RAP1GAP2: variants seen among roughly 807,000 people sequenced by gnomAD.
RAP1GAP2 encodes the protein RAP1 GTPase activating protein 2.
In RAP1GAP2, 27 loss-of-function variants were observed where a neutral mutation model predicts 95.0. That is an observed-to-expected ratio of 0.28 (90% CI 0.21 to 0.39). The LOEUF (loss-of-function observed/expected upper bound fraction) is 0.39, where lower values mean the gene tolerates loss of function less well. Ranked by LOEUF, RAP1GAP2 falls within the 10% of genes least tolerant of loss-of-function variation. The pLI is 1.00. For synonymous variants in RAP1GAP2, 373 were observed against 380.9 expected (o/e 0.98, Z 0.24); for missense variants, 771 against 970.0 (o/e 0.79, Z 2.72).
rs1442387277 is a variant in RAP1GAP2, at chr17:2,963,951, G to T, written c.375G>T (p.Ser125=). The change falls in exon 7 of 25, where the codon TCG becomes TCT. Residue 125 remains serine, a synonymous_variant. Coordinates refer to ENST00000254695, the MANE Select transcript of RAP1GAP2 (RefSeq NM_015085.5). The surrounding 1 kb of genome is among the most constrained non-coding windows in gnomAD (Gnocchi z 4.8). ...CGGAGAACGTGGGCACCCCAACATC[G>T]CTGGGGAGCAGCATCTGTGAGGAGG... ...EDPENVGTPT[S]LGSSICEEEE... 3.1e-6 allele frequency: 5 copies of T among 1,613,224 alleles called. No homozygotes were observed. Among genetic ancestry groups the T allele is most frequent in the African/African-American group, 1.3e-5 (1 of 74,898 alleles).
At chr17:2,805,840 G>GTGGCC (rs1400522313) in intron 2 of RAP1GAP2, among the ~76,000 whole-genome samples, 2 of 152,176 alleles carry the variant, frequency 1.3e-5, no homozygotes, top group East Asian at 3.8e-4. Context: ...GCTGGCTGCG[G>GTGGCC]TGGCCTGGAG....
At chr17:2,920,523 T>C (rs988820188) in intron 3 of RAP1GAP2, among the ~76,000 whole-genome samples, 2 of 152,212 alleles carry the variant, frequency 1.3e-5, no homozygotes, top group African/African-American at 2.4e-5. Flanking sequence ...ACAGAGCCCT[T>C]GCCTCTTCCT....
intron 12 of RAP1GAP2, among the ~76,000 whole-genome samples, chr17:2,992,285 C>T (rs113087020): frequency 9.3e-5 from 14 of 151,072 alleles, no homozygotes; most frequent in Non-Finnish European, 1.8e-4. Flanking sequence ...ATCAGCCTCC[C>T]GAGTAGCTGG....
chr17:2,927,089 T>C (rs1348796108), intron 3 of RAP1GAP2, among the ~76,000 whole-genome samples: 1 of 151,332 alleles, frequency 6.6e-6, no homozygotes, highest in East Asian at 1.9e-4. Context: ...TCTTGTCTTG[T>C]CAGCTCCTAG....
intron 2 of RAP1GAP2, among the ~76,000 whole-genome samples, chr17:2,890,005 T>TGA (rs2073655219): frequency 6.6e-6 from 1 of 150,674 alleles, no homozygotes; most frequent in Non-Finnish European, 1.5e-5. Context: ...ATTACAGGTG[T>TGA]GAGCCCCCGC....
rs1010278018 is a variant in RAP1GAP2, at chr17:3,035,086, CCT to C, written c.*1726_*1727del. The C allele has an allele frequency of 1.3e-5, 2 of 151,858 alleles. No homozygotes were observed. Among genetic ancestry groups the C allele is most frequent in the Non-Finnish European group, 2.9e-5 (2 of 67,986 alleles). The allele number at this position is 151,858 out of a possible 1,614,324, so 9.4% of individuals were successfully genotyped here. On this transcript the variant is annotated 3_prime_UTR_variant, in exon 25 of 25. Transcript: ENST00000254695. The surrounding 1 kb of genome is among the most constrained non-coding windows in gnomAD (Gnocchi z 4.3). ...GCCACGTGTGTGGGAATGATTGAGT[CCT>C]GTTTGCAAGCTGGAGAGGAGCTCTC...
chr17:2,915,681 A>G (rs1477376728), intron 3 of RAP1GAP2, among the ~76,000 whole-genome samples: 1 of 152,024 alleles, frequency 6.6e-6, no homozygotes, highest in Non-Finnish European at 1.5e-5. Context: ...CCTTCCATGT[A>G]TTCTTTTAGA....
At chr17:2,829,159 T>A (rs1366772287) in intron 2 of RAP1GAP2, among the ~76,000 whole-genome samples, 4 of 152,012 alleles carry the variant, frequency 2.6e-5, no homozygotes, top group Non-Finnish European at 4.4e-5. Flanking sequence ...ATTTTTTGTA[T>A]TTTTAGTAGA....
At chr17:2,970,415 G>C (rs1291909086) in intron 8 of RAP1GAP2, among the ~76,000 whole-genome samples, 1 of 152,000 alleles carries the variant, frequency 6.6e-6, no homozygotes, top group African/African-American at 2.4e-5. Context: ...TCTCAGATGA[G>C]ATAGCTAGGT....
At chr17:2,917,210 C>T (rs2042600021) in intron 3 of RAP1GAP2, among the ~76,000 whole-genome samples, 1 of 152,196 alleles carries the variant, frequency 6.6e-6, no homozygotes, top group African/African-American at 2.4e-5. Flanking sequence ...AGGGTTGTAG[C>T]TAAGAATACA....
chr17:2,941,372 C>A (rs547203073), intron 3 of RAP1GAP2, among the ~76,000 whole-genome samples: 3 of 152,142 alleles, frequency 2.0e-5, no homozygotes, highest in African/African-American at 7.2e-5. Flanking sequence ...TGTGCCGTTG[C>A]ACTCCAGCCT....
At position 2,797,555 on chromosome 17, in the gene RAP1GAP2, G is replaced by A. The variant is rs1025657371; in HGVS notation, c.44+984G>A. 4 of 296,752 alleles carry A rather than the reference G, an allele frequency of 1.3e-5. No homozygotes were observed. Among genetic ancestry groups the A allele is most frequent in the African/African-American group, 2.3e-5 (1 of 43,874 alleles). The allele number at this position is 296,752 out of a possible 1,614,324, so 18.4% of individuals were successfully genotyped here. ...TAATGGGGGTGGCACGAAGGGCGAGGGGGAGAGGGGCTGTGTTCCTCGGTA... is the reference window on the plus strand; with the variant it reads ...TAATGGGGGTGGCACGAAGGGCGAGAGGGAGAGGGGCTGTGTTCCTCGGTA... On this transcript the variant is annotated intron_variant, in intron 1 of 24. Transcript: ENST00000254695. This position sits in a 1 kb window ranked among gnomAD's most constrained non-coding sequence, Gnocchi z 5.6.
intron 3 of RAP1GAP2, among the ~76,000 whole-genome samples, chr17:2,920,489 C>T (rs34910921): frequency 0.093 from 14,206 of 152,284 alleles, 728 homozygotes; most frequent in African/African-American, 0.13. Flanking sequence ...CTGCCTCCCC[C>T]GCTGGATGGT....
chr17:2,897,320 A>G (rs2041865898), intron 2 of RAP1GAP2, among the ~76,000 whole-genome samples: 1 of 152,112 alleles, frequency 6.6e-6, no homozygotes, highest in Non-Finnish European at 1.5e-5. Flanking sequence ...CCTGGGCAAC[A>G]AGAGTGAAAC....
chr17:2,905,455 A>G, intron 3 of RAP1GAP2, 87 bp downstream of exon 3: 1 of 1,358,828 alleles, frequency 7.4e-7, no homozygotes, highest in Non-Finnish European at 1.0e-6. Context: ...CAGGCCCAGC[A>G]GCGTCCGTCG....
At chr17:2,869,633 G>A (rs1459792030) in intron 2 of RAP1GAP2, among the ~76,000 whole-genome samples, 5 of 152,130 alleles carry the variant, frequency 3.3e-5, no homozygotes, top group South Asian at 4.1e-4. Flanking sequence ...AACAGCCCAC[G>A]TTCTGAAGTT....
Position 2,871,565 on chromosome 17 carries a change from A to C in RAP1GAP2, c.81-33719A>C, listed in dbSNP as rs2151640805. 6.6e-6 allele frequency among the ~76,000 whole-genome samples: 1 copy of C among 152,240 alleles called. No individual in the cohort carries two copies. The highest frequency in any genetic ancestry group is 1.5e-5 in the Non-Finnish European group (1 of 68,018). On this transcript the variant is annotated intron_variant, in intron 2 of 24. Transcript: ENST00000254695. This position sits in a 1 kb window ranked among gnomAD's most constrained non-coding sequence, Gnocchi z 5.0. The stretch of plus-strand genomic sequence containing the variant: ...GGCAACAGCGGTAGGGCCAGCAAAC[A>C]CCATAGACAAAAGCTGCTTTGGAGT...
At chr17:2,806,432 G>A (rs546094964) in intron 2 of RAP1GAP2, among the ~76,000 whole-genome samples, 14 of 145,506 alleles carry the variant, frequency 9.6e-5, no homozygotes, top group East Asian at 2.1e-4. Context: ...TCGCTCTGTC[G>A]CCCAGTCTGG....
upstream of RAP1GAP2, among the ~76,000 whole-genome samples, chr17:2,773,044 T>G (rs538200374): frequency 3.1e-4 from 47 of 151,948 alleles, no homozygotes; most frequent in African/African-American, 1.1e-3. Flanking sequence ...TTTTAGTAGA[T>G]ACAGGGTTTC....
Sources: gnomAD v4.1 joint callset for allele counts (sites outside exome capture counted in the v4.1 genomes callset) on GRCh38, gnomAD v4.1.1 for gene constraint, Gnocchi (gnomAD v3.1) non-coding constraint, MANE v1.5 for transcripts, NCBI Gene and HGNC (gene_info 2026-07-23, HGNC 2026-07-21) for gene names.